OR7G1: variants seen among roughly 807,000 people sequenced by gnomAD.
OR7G1 encodes olfactory receptor 7G1.
For synonymous variants in OR7G1, 142 were observed against 138.5 expected (o/e 1.02, Z -0.18); for missense variants, 385 against 365.6 (o/e 1.05, Z -0.43).
chr19:9,115,229 A>C lies in OR7G1; in HGVS notation c.535T>G (p.Cys179Gly). The change falls in exon 1 of 1, where the codon TGT (cysteine) becomes GGT (glycine). Residue 179 changes from cysteine (C) to glycine (G), a missense_variant. By Grantham distance (159) the Cys-to-Gly change is radical. Transcript: ENST00000541538. ...CKNVEIPLFF[C>G]EVVQVIKLAC... Reference sequence around the variant, plus strand: ...AGCTTGATGACCTGAACGACTTCACAGAAGAACAAAGGGATTTCAACGTTT... The same window carrying C: ...AGCTTGATGACCTGAACGACTTCACCGAAGAACAAAGGGATTTCAACGTTT... 1 of 1,614,196 alleles carries C rather than the reference A, an allele frequency of 6.2e-7. No homozygotes were observed. The highest frequency in any genetic ancestry group is 2.2e-5 in the East Asian group (1 of 44,890).
chr19:9,115,152 A>T lies in OR7G1; in HGVS notation c.612T>A (p.Ser204Arg). Reference protein sequence around the residue: ...INNILIYFASSVFGAIPLSGI... With the variant: ...INNILIYFASRVFGAIPLSGI... ...CAGAGAGAGGAATTGCACCAAATACACTACTTGCAAAATATATGAGGATGT... is the reference window on the plus strand; with the variant it reads ...CAGAGAGAGGAATTGCACCAAATACTCTACTTGCAAAATATATGAGGATGT... The change falls in exon 1 of 1, where the codon AGT becomes AGA. Residue 204 changes from serine to arginine, a missense_variant. Transcript: ENST00000541538. 6.2e-7 allele frequency: 1 copy of T among 1,614,008 alleles called. No homozygotes were observed. Among genetic ancestry groups the T allele is most frequent in the Non-Finnish European group, 8.5e-7 (1 of 1,179,884 alleles).
At position 9,115,041 on chromosome 19, in the gene OR7G1, A is replaced by C. The variant is rs760690873; in HGVS notation, c.723T>G (p.Cys241Trp). Residue 241 changes from cysteine to tryptophan, a missense_variant, in exon 1 of 1, where the codon TGT becomes TGG. By Grantham distance (215) the Cys-to-Trp change is radical. Transcript: ENST00000541538. ...AGGAAAAAACAGAGAGGTGACAGCCACAGGTGGAAAACGCTTTATACTTTC... is the reference window on the plus strand; with the variant it reads ...AGGAAAAAACAGAGAGGTGACAGCCCCAGGTGGAAAACGCTTTATACTTTC... ...ARGKYKAFST[C>W]GCHLSVFSLF... The C allele has an allele frequency of 6.2e-7, 1 of 1,614,152 alleles. No homozygotes were observed. The highest frequency in any genetic ancestry group is 8.5e-7 in the Non-Finnish European group (1 of 1,179,988).
In OR7G1 at chr19:9,115,204, A is replaced by G; in HGVS notation, c.560T>C (p.Leu187Pro). The part of the protein sequence containing the change: ...FFCEVVQVIK[L>P]ACSDTLINNI... ...GTTGATGAGGGTGTCAGAACAGGCG[A>G]GCTTGATGACCTGAACGACTTCACA... The change falls in exon 1 of 1, where the codon CTC becomes CCC. Residue 187 changes from leucine (L) to proline (P), a missense_variant. By Grantham distance (98) the Leu-to-Pro change is moderately conservative. Coordinates refer to ENST00000541538, the MANE Select transcript of OR7G1 (RefSeq NM_001005192.2). The G allele has an allele frequency of 6.2e-7, 1 of 1,614,176 alleles. No individual in the cohort carries two copies. The highest frequency in any genetic ancestry group is 8.5e-7 in the Non-Finnish European group (1 of 1,180,024).
At position 9,114,988 on chromosome 19, in the gene OR7G1, T is replaced by C; in HGVS notation, c.776A>G (p.Tyr259Cys). 1 of 1,614,126 alleles carries C rather than the reference T, an allele frequency of 6.2e-7. No homozygotes were observed. Among genetic ancestry groups the C allele is most frequent in the Non-Finnish European group, 8.5e-7 (1 of 1,180,028 alleles). Reference protein sequence around the residue: ...SLFYGTAFGVYISSAVAESSR... With the variant: ...SLFYGTAFGVCISSAVAESSR... ...AGACTCAGCAACAGCAGAACTAATGTACACCCCAAAAGCTGTCCCATAGAA... is the reference window on the plus strand; with the variant it reads ...AGACTCAGCAACAGCAGAACTAATGCACACCCCAAAAGCTGTCCCATAGAA... The change falls in exon 1 of 1, where the codon TAC becomes TGC. Residue 259 changes from tyrosine to cysteine, a missense_variant. Coordinates refer to ENST00000541538, the MANE Select transcript of OR7G1 (RefSeq NM_001005192.2).
In OR7G1 at chr19:9,114,931, TACATCACTGAAGCC is replaced by T. The variant is rs766459577; in HGVS notation, c.819_832del (p.Ala274HisfsTer17). ...GTTCATCATTTGAGGGACCACAGTG[TACATCACTGAAGCC>T]ACAGCAGTAATTCGGGAAGACTCAG... is the stretch of plus-strand genomic sequence containing the variant. On this transcript the variant is annotated frameshift_variant, in exon 1 of 1. Coordinates refer to ENST00000541538, the MANE Select transcript of OR7G1 (RefSeq NM_001005192.2). LOFTEE classifies it low-confidence loss of function (END_TRUNC). 3.7e-6 allele frequency: 6 copies of T among 1,613,416 alleles called. No individual in the cohort carries two copies. In the East Asian group the frequency reaches 1.3e-4, roughly 36 times the overall value.
chr19:9,115,616 T>C lies in OR7G1; in HGVS notation c.148A>G (p.Ile50Val), dbSNP rs1339347374. 2 of 1,614,076 alleles carry C rather than the reference T, an allele frequency of 1.2e-6. No individual in the cohort carries two copies. Among genetic ancestry groups the C allele is most frequent in the Non-Finnish European group, 8.5e-7 (1 of 1,180,006 alleles). ...LGNLLILLAV[I>V]SDSHLHTPMY... ...GGGGTGTGGAGGTGGGAGTCAGAGA[T>C]GACAGCCAGGAGAATGAGCAGGTTC... Residue 50 changes from isoleucine (I) to valine (V), a missense_variant, in exon 1 of 1, where the codon ATC becomes GTC. By Grantham distance (29) the Ile-to-Val change is conservative. Coordinates refer to ENST00000541538, the MANE Select transcript of OR7G1 (RefSeq NM_001005192.2).
rs148822559 is a variant in OR7G1, at chr19:9,114,935, T to A, written c.829A>T (p.Met277Leu). The change falls in exon 1 of 1, where the codon ATG becomes TTG. Residue 277 changes from methionine (M) to leucine (L), a missense_variant. Coordinates refer to ENST00000541538, the MANE Select transcript of OR7G1 (RefSeq NM_001005192.2). ...ATCATTTGAGGGACCACAGTGTACA[T>A]CACTGAAGCCACAGCAGTAATTCGG... ...SSRITAVASV[M>L]YTVVPQMMNP... 2.5e-4 allele frequency: 404 copies of A among 1,613,250 alleles called. No homozygotes were observed. Among genetic ancestry groups the A allele is most frequent in the Non-Finnish European group, 2.8e-4 (332 of 1,179,402 alleles).
Position 9,115,350 on chromosome 19 carries a change from G to A in OR7G1, c.414C>T (p.Val138=). ...GAAGAATCAGCAAGCCCCAGAAATGGACATTCATGAGGACTGTGTACCTCA... is the reference window on the plus strand; with the variant it reads ...GAAGAATCAGCAAGCCCCAGAAATGAACATTCATGAGGACTGTGTACCTCA... ...HPLRYTVLMN[V]HFWGLLILLS... is the part of the protein sequence containing the mutation. The change falls in exon 1 of 1, where the codon GTC becomes GTT. Residue 138 remains valine, a synonymous_variant. Transcript: ENST00000541538. 1.2e-6 allele frequency: 2 copies of A among 1,614,170 alleles called. No individual in the cohort carries two copies. Among genetic ancestry groups the A allele is most frequent in the Non-Finnish European group, 1.7e-6 (2 of 1,180,040 alleles).
rs1206267799 is a variant in OR7G1, at chr19:9,115,388, TGG to T, written c.374_375del (p.Ala125AspfsTer48). 3.1e-6 allele frequency: 5 copies of T among 1,613,986 alleles called. No homozygotes were observed. The Admixed American group carries it at 5.0e-5, about 16-fold the overall frequency. ...ACTGTGTACCTCAGTGGGTGGCAAA[TGG>T]CCACATAGCGGTCGTAGGCCATGAC... ...LAVMAYDRYVAICHPLRYTVL... is the reference protein window; with the variant it reads ...LAVMAYDRYVXICHPLRYTVL... On this transcript the variant is annotated frameshift_variant, in exon 1 of 1. Transcript: ENST00000541538. LOFTEE classifies it low-confidence loss of function (END_TRUNC).
chr19:9,115,516 A>C lies in OR7G1; in HGVS notation c.248T>G (p.Val83Gly). The change falls in exon 1 of 1, where the codon GTG (valine) becomes GGG (glycine). Residue 83 changes from valine to glycine, a missense_variant. Val to Gly is a moderately radical substitution (Grantham distance 109). Transcript: ENST00000541538. ...LTTTTVPKIL[V>G]NIQAQNQSIT... The stretch of plus-strand genomic sequence containing the variant: ...ACTCTGATTCTGAGCTTGGATGTTC[A>C]CTAGGATCTTTGGGACTGTGGTTGT... The C allele has an allele frequency of 6.2e-7, 1 of 1,613,890 alleles. No individual in the cohort carries two copies. The highest frequency in any genetic ancestry group is 8.5e-7 in the Non-Finnish European group (1 of 1,179,976).
rs75711758 is a variant in OR7G1 at position 9,115,589 on chromosome 19, T to C, written c.175A>G (p.Met59Val). 18,491 of 1,613,972 alleles carry C rather than the reference T, an allele frequency of 0.011. 175 individuals are homozygous for C. The highest frequency in any genetic ancestry group is 0.054 in the Middle Eastern group (329 of 6,060). Residue 59 changes from methionine to valine, a missense_variant, in exon 1 of 1, where the codon ATG becomes GTG. Coordinates refer to ENST00000541538, the MANE Select transcript of OR7G1 (RefSeq NM_001005192.2). ...GAGAGATTAAAGAGAAGGAAGTACATGGGGGTGTGGAGGTGGGAGTCAGAG... is the reference window on the plus strand; with the variant it reads ...GAGAGATTAAAGAGAAGGAAGTACACGGGGGTGTGGAGGTGGGAGTCAGAG... ...VISDSHLHTP[M>V]YFLLFNLSFT... is the part of the protein sequence containing the mutation.
Position 9,115,263 on chromosome 19 carries a change from G to A in OR7G1, c.501C>T (p.Ser167=), listed in dbSNP as rs773004679. ...LVQSLMVLQL[S]FCKNVEIPLF... is the part of the protein sequence containing the mutation. ...AAGGGATTTCAACGTTTTTGCAGAA[G>A]GACAGCTGCAATACCATCAGACTCT... Residue 167 remains serine, a synonymous_variant, in exon 1 of 1, where the codon TCC becomes TCT. Transcript: ENST00000541538. 1 of 1,614,160 alleles carries A rather than the reference G, an allele frequency of 6.2e-7. No homozygotes were observed. The highest frequency in any genetic ancestry group is 8.5e-7 in the Non-Finnish European group (1 of 1,180,024).
rs1273911592 is a variant in OR7G1, at chr19:9,115,174, A to G, written c.590T>C (p.Ile197Thr). Reference sequence around the variant, plus strand: ...TACACTACTTGCAAAATATATGAGGATGTTGTTGATGAGGGTGTCAGAACA... The same window carrying G: ...TACACTACTTGCAAAATATATGAGGGTGTTGTTGATGAGGGTGTCAGAACA... Reference protein sequence around the residue: ...LACSDTLINNILIYFASSVFG... With the variant: ...LACSDTLINNTLIYFASSVFG... Residue 197 changes from isoleucine (I) to threonine (T), a missense_variant, in exon 1 of 1, where the codon ATC becomes ACC. Ile to Thr is a moderately conservative substitution (Grantham distance 89). Transcript: ENST00000541538. 6.2e-7 allele frequency: 1 copy of G among 1,613,528 alleles called. No homozygotes were observed. The highest frequency in any genetic ancestry group is 8.5e-7 in the Non-Finnish European group (1 of 1,179,488).
rs546098161 is a variant in OR7G1 at position 9,114,992 on chromosome 19, C to T, written c.772G>A (p.Val258Met). Residue 258 changes from valine to methionine, a missense_variant, in exon 1 of 1, where the codon GTG becomes ATG. By Grantham distance (21) the Val-to-Met change is conservative. Transcript: ENST00000541538. ...FSLFYGTAFG[V>M]YISSAVAESS... ...TCAGCAACAGCAGAACTAATGTACACCCCAAAAGCTGTCCCATAGAACAAG... is the reference window on the plus strand; with the variant it reads ...TCAGCAACAGCAGAACTAATGTACATCCCAAAAGCTGTCCCATAGAACAAG... 6.2e-7 allele frequency: 1 copy of T among 1,614,144 alleles called. No homozygotes were observed. Among genetic ancestry groups the T allele is most frequent in the Admixed American group, 1.7e-5 (1 of 60,006 alleles).
chr19:9,115,396 T>C lies in OR7G1; in HGVS notation c.368A>G (p.Tyr123Cys). 1 of 1,614,136 alleles carries C rather than the reference T, an allele frequency of 6.2e-7. No homozygotes were observed. The highest frequency in any genetic ancestry group is 8.5e-7 in the Non-Finnish European group (1 of 1,180,010). The stretch of plus-strand genomic sequence containing the variant: ...CCTCAGTGGGTGGCAAATGGCCACA[T>C]AGCGGTCGTAGGCCATGACTGCAAG... ...CFLAVMAYDR[Y>C]VAICHPLRYT... Residue 123 changes from tyrosine (Y) to cysteine (C), a missense_variant, in exon 1 of 1, where the codon TAT (tyrosine) becomes TGT (cysteine). Tyr to Cys is a radical substitution (Grantham distance 194). Coordinates refer to ENST00000541538, the MANE Select transcript of OR7G1 (RefSeq NM_001005192.2).
At position 9,115,587 on chromosome 19, in the gene OR7G1, C is replaced by G; in HGVS notation, c.177G>C (p.Met59Ile). ...AGGAGAGATTAAAGAGAAGGAAGTACATGGGGGTGTGGAGGTGGGAGTCAG... is the reference window on the plus strand; with the variant it reads ...AGGAGAGATTAAAGAGAAGGAAGTAGATGGGGGTGTGGAGGTGGGAGTCAG... ...VISDSHLHTP[M>I]YFLLFNLSFT... The change falls in exon 1 of 1, where the codon ATG (methionine) becomes ATC (isoleucine). Residue 59 changes from methionine (M) to isoleucine (I), a missense_variant. Coordinates refer to ENST00000541538, the MANE Select transcript of OR7G1 (RefSeq NM_001005192.2). The G allele has an allele frequency of 6.2e-7, 1 of 1,614,022 alleles. No homozygotes were observed. Among genetic ancestry groups the G allele is most frequent in the Non-Finnish European group, 8.5e-7 (1 of 1,180,008 alleles).
Position 9,114,971 on chromosome 19 carries a change from C to A in OR7G1, c.793G>T (p.Ala265Ser), listed in dbSNP as rs1424724453. 3 of 1,614,034 alleles carry A rather than the reference C, an allele frequency of 1.9e-6. 1 individual carries two copies. The East Asian group carries it at 6.7e-5, about 36-fold the overall frequency. ...AFGVYISSAV[A>S]ESSRITAVAS... ...ACAGCAGTAATTCGGGAAGACTCAG[C>A]AACAGCAGAACTAATGTACACCCCA... The change falls in exon 1 of 1, where the codon GCT becomes TCT. Residue 265 changes from alanine (A) to serine (S), a missense_variant. Coordinates refer to ENST00000541538, the MANE Select transcript of OR7G1 (RefSeq NM_001005192.2).
Position 9,115,709 on chromosome 19 carries a change from C to T in OR7G1, c.55G>A (p.Glu19Lys), listed in dbSNP as rs1223651049. ...GGGATTAACTTCAGTTCTGGGTCCT[C>T]TGTCACTTTCATGAGAAGAAATTCT... is the stretch of plus-strand genomic sequence containing the variant. ...VSEFLLMKVT[E>K]DPELKLIPFS... The change falls in exon 1 of 1, where the codon GAG (glutamate) becomes AAG (lysine). Residue 19 changes from glutamate (E) to lysine (K), a missense_variant. By Grantham distance (56) the Glu-to-Lys change is moderately conservative. Transcript: ENST00000541538. The T allele has an allele frequency of 6.4e-7, 1 of 1,567,598 alleles. No individual in the cohort carries two copies. The highest frequency in any genetic ancestry group is 8.7e-7 in the Non-Finnish European group (1 of 1,155,806).
rs2050444446 is a variant in OR7G1 at position 9,115,515 on chromosome 19, C to T, written c.249G>A (p.Val83=). Residue 83 remains valine, a synonymous_variant, in exon 1 of 1, where the codon GTG becomes GTA. Coordinates refer to ENST00000541538, the MANE Select transcript of OR7G1 (RefSeq NM_001005192.2). ...TACTCTGATTCTGAGCTTGGATGTTCACTAGGATCTTTGGGACTGTGGTTG... is the reference window on the plus strand; with the variant it reads ...TACTCTGATTCTGAGCTTGGATGTTTACTAGGATCTTTGGGACTGTGGTTG... ...LTTTTVPKIL[V]NIQAQNQSIT... is the part of the protein sequence containing the mutation. 3.7e-6 allele frequency: 6 copies of T among 1,614,108 alleles called. No homozygotes were observed. The highest frequency in any genetic ancestry group is 5.1e-6 in the Non-Finnish European group (6 of 1,180,008).
Sources: allele counts gnomAD v4.1 joint callset, GRCh38; gene constraint gnomAD v4.1.1; transcripts MANE v1.5; gene names NCBI Gene and HGNC (gene_info 2026-07-23, HGNC 2026-07-21).